Variants in CYTH1 observed in about 807,000 individuals in gnomAD.
CYTH1 encodes cytohesin 1.
In CYTH1, 18 loss-of-function variants were observed where a neutral mutation model predicts 61.8. The observed-to-expected ratio is 0.29, with a 90% CI of 0.20 to 0.43. CYTH1 has a LOEUF of 0.43. Ranked by LOEUF, CYTH1 falls within the 20% of genes least tolerant of loss-of-function variation. The pLI is 1.00. For missense variants in CYTH1, 336 were observed against 510.5 expected (o/e 0.66, Z 3.29); for synonymous variants, 174 against 184.3 (o/e 0.94, Z 0.45).
At position 78,675,845 on chromosome 17, in the gene CYTH1, C is replaced by A; in HGVS notation, c.*246G>T. 1 of 1,451,612 alleles carries A rather than the reference C, an allele frequency of 6.9e-7. No homozygotes were observed. Among genetic ancestry groups the A allele is most frequent in the Non-Finnish European group, 9.1e-7 (1 of 1,100,240 alleles). 89.9% of individuals were successfully genotyped at this position (1,451,612 alleles called of 1,614,324 possible). On this transcript the variant is annotated 3_prime_UTR_variant, in exon 14 of 14. Coordinates refer to ENST00000446868, the MANE Select transcript of CYTH1 (RefSeq NM_004762.6). ...CAGGAGGCTGCCCTGCCGACAAGAGCTCTGCCCTGTGAGAGAGGAAGGCTC... is the reference window on the plus strand; with the variant it reads ...CAGGAGGCTGCCCTGCCGACAAGAGATCTGCCCTGTGAGAGAGGAAGGCTC...
At chr17:78,695,762 T>C (rs2092931876) in intron 10 of CYTH1, among the ~76,000 whole-genome samples, 1 of 152,236 alleles carries the variant, frequency 6.6e-6, no homozygotes, top group African/African-American at 2.4e-5. Flanking sequence ...ACTCTTAGTA[T>C]GTTTTCTTGC....
intron 1 of CYTH1, among the ~76,000 whole-genome samples, chr17:78,780,153 A>G (rs2093511035): frequency 6.6e-6 from 1 of 152,234 alleles, no homozygotes; most frequent in African/African-American, 2.4e-5. Flanking sequence ...GCTTCTCAGC[A>G]GTGGGCAGGA....
At chr17:78,769,103 G>A (rs1407498394) in intron 1 of CYTH1, among the ~76,000 whole-genome samples, 4 of 151,214 alleles carry the variant, frequency 2.6e-5, no homozygotes, top group Non-Finnish European at 4.4e-5. Context: ...CTGACATCAC[G>A]CCACTGCACT....
At chr17:78,684,871 C>T (rs2092800324) in intron 11 of CYTH1, among the ~76,000 whole-genome samples, 1 of 152,114 alleles carries the variant, frequency 6.6e-6, no homozygotes, top group Non-Finnish European at 1.5e-5. Context: ...CCTGAAATAA[C>T]CTTATTCAAG....
intron 1 of CYTH1, among the ~76,000 whole-genome samples, chr17:78,781,385 A>G (rs2093516857): frequency 6.6e-6 from 1 of 152,212 alleles, no homozygotes; most frequent in Non-Finnish European, 1.5e-5. Context: ...TGCAATTTCA[A>G]ACTCTTGGAG....
chr17:78,710,095 C>G (rs1453964308), intron 1 of CYTH1, among the ~76,000 whole-genome samples: 1 of 152,138 alleles, frequency 6.6e-6, no homozygotes, highest in Non-Finnish European at 1.5e-5. Context: ...TCTCTCTAGG[C>G]CTCAGCTCCC....
At position 78,702,597 on chromosome 17, in the gene CYTH1, T is replaced by C. The variant is rs777499031; in HGVS notation, c.178A>G (p.Met60Val). 2.5e-6 allele frequency: 4 copies of C among 1,614,212 alleles called. 1 individual carries two copies. Among genetic ancestry groups the C allele is most frequent in the Non-Finnish European group, 3.4e-6 (4 of 1,180,030 alleles). ...NLGSTEERKN[M>V]QRNKQVAMGR... ...ATGGCTACCTGTTTGTTCCTCTGCA[T>C]GTTTTTCCTGTAAAACAACCATCAC... Residue 60 changes from methionine to valine, a missense_variant, in exon 4 of 14, where the codon ATG becomes GTG. By Grantham distance (21) the Met-to-Val change is conservative. Around this residue, in one of 4 missense-constraint regions of CYTH1, gnomAD observed 112 missense variants for 127.1 expected, o/e 0.88. Coordinates refer to ENST00000446868, the MANE Select transcript of CYTH1 (RefSeq NM_004762.6).
intron 1 of CYTH1, among the ~76,000 whole-genome samples, chr17:78,760,515 A>ATG (rs1299957397): frequency 2.0e-5 from 1 of 49,602 alleles, no homozygotes; most frequent in South Asian, 5.8e-4. Context: ...ATGTATATAT[A>ATG]TGTATATATA....
At chr17:78,744,780 C>A (rs1174889269) in intron 1 of CYTH1, among the ~76,000 whole-genome samples, 1 of 151,448 alleles carries the variant, frequency 6.6e-6, no homozygotes, top group Non-Finnish European at 1.5e-5. Context: ...CTAGTACATA[C>A]CTTCATGACA....
chr17:78,711,058 C>T (rs1317937142), intron 1 of CYTH1, among the ~76,000 whole-genome samples: 2 of 151,802 alleles, frequency 1.3e-5, no homozygotes, highest in South Asian at 2.1e-4. Context: ...GTCAGGAGAC[C>T]GAGACCATCC....
chr17:78,780,247 G>A (rs1483006347), intron 1 of CYTH1, among the ~76,000 whole-genome samples: 1 of 152,230 alleles, frequency 6.6e-6, no homozygotes, highest in African/African-American at 2.4e-5. Flanking sequence ...GCTGGGAGCA[G>A]TGGCTCATGC....
chr17:78,696,800 A>G (rs1010039274), intron 9 of CYTH1: 1 of 152,264 alleles, frequency 6.6e-6, no homozygotes, highest in African/African-American at 2.4e-5. Flanking sequence ...GCTAACACTT[A>G]GTATTAGCAT....
intron 1 of CYTH1, among the ~76,000 whole-genome samples, chr17:78,714,003 G>A (rs923826209): frequency 5.9e-5 from 9 of 152,118 alleles, no homozygotes; most frequent in Admixed American, 1.3e-4. Context: ...AATAGTAAAG[G>A]AATAGGCCAG....
chr17:78,681,148 C>A, intron 11 of CYTH1, 106 bp from the exon 12 acceptor site: 1 of 1,096,114 alleles, frequency 9.1e-7, no homozygotes, highest in East Asian at 2.4e-5. Flanking sequence ...TCTCCCAGGA[C>A]ATGAAGTTCA....
At chr17:78,754,390 C>G (rs1158343205) in intron 1 of CYTH1, among the ~76,000 whole-genome samples, 7 of 151,924 alleles carry the variant, frequency 4.6e-5, no homozygotes, top group Non-Finnish European at 4.4e-5. Context: ...GTTGCCCAGG[C>G]TGGAGTGCAG....
intron 13 of CYTH1, chr17:78,677,200 C>T (rs540792143): frequency 2.8e-5 from 11 of 397,884 alleles, no homozygotes; most frequent in East Asian, 7.2e-5. Flanking sequence ...GGGAATCTGG[C>T]GGCCGGGACA....
At chr17:78,718,476 G>A (rs1037615597) in intron 1 of CYTH1, among the ~76,000 whole-genome samples, 1 of 152,140 alleles carries the variant, frequency 6.6e-6, no homozygotes, top group African/African-American at 2.4e-5. Context: ...TGATCATGGC[G>A]TGAGGGCTAA....
intron 3 of CYTH1, among the ~76,000 whole-genome samples, chr17:78,707,239 A>G (rs982161845): frequency 3.9e-5 from 6 of 152,204 alleles, no homozygotes; most frequent in Non-Finnish European, 7.3e-5. Flanking sequence ...AAACAGTCCT[A>G]CGAAGCCAGA....
chr17:78,692,691 T>C (rs2092900672), intron 10 of CYTH1, among the ~76,000 whole-genome samples, 198 bp from the exon 11 acceptor site: 1 of 151,514 alleles, frequency 6.6e-6, no homozygotes, highest in Admixed American at 6.6e-5. Context: ...AGCCTGTGGG[T>C]ACAAGCAGAG....
Sources: gnomAD v4.1 joint callset for allele counts (sites outside exome capture counted in the v4.1 genomes callset) on GRCh38, gnomAD v4.1.1 for gene constraint, gnomAD v4.1.1 regional missense constraint, MANE v1.5 for transcripts, NCBI Gene and HGNC (gene_info 2026-07-23, HGNC 2026-07-21) for gene names.